The following PTPRG variants were observed in gnomAD, a reference collection of about 807,000 sequenced individuals.
PTPRG encodes protein tyrosine phosphatase receptor type G, also known as receptor-type tyrosine-protein phosphatase gamma.
Under a neutral mutation model 165.3 loss-of-function variants are expected in PTPRG, and 102 were observed. The ratio of observed to expected loss-of-function variants is 0.62; its 90% CI spans 0.53 to 0.73. The LOEUF (loss-of-function observed/expected upper bound fraction) is 0.73. Among genes scored for constraint, PTPRG ranks in the 30% least tolerant of loss-of-function variants. The pLI is 0.00. For missense variants in PTPRG, 1,866 were observed against 1,861.4 expected, an observed-to-expected ratio of 1.00 and a Z score of -0.05; for synonymous variants, 675 against 669.5, an observed-to-expected ratio of 1.01 and a Z score of -0.13.
intron 1 of PTPRG, among the ~76,000 whole-genome samples, chr3:61,631,843 AG>A: frequency 6.6e-6 from 1 of 152,186 alleles, no homozygotes. Context: ...GATATAAACA[AG>A]ATGTGGAACC....
chr3:61,602,309 A>G (rs1439969829), intron 1 of PTPRG, among the ~76,000 whole-genome samples: 2 of 152,118 alleles, frequency 1.3e-5, no homozygotes, highest in Non-Finnish European at 2.9e-5. Context: ...AGGAAAAAAT[A>G]TGCCACCTGC....
intron 1 of PTPRG, among the ~76,000 whole-genome samples, chr3:61,701,559 A>G (rs1323197153): frequency 6.6e-6 from 1 of 152,212 alleles, no homozygotes; most frequent in Non-Finnish European, 1.5e-5. Context: ...AAAAGAAGTG[A>G]GTGCAGAAAC....
Position 61,583,269 on chromosome 3 carries a change from G to A in PTPRG, c.85+20897G>A, listed in dbSNP as rs958686030. On this transcript the variant is annotated intron_variant, in intron 1 of 29. Transcript: ENST00000474889. ...TGGATGCATTGACTGGCCCCTGAAC[G>A]CAAGGCTGAGGCATTGTCCATGGAG... Among the ~76,000 whole-genome samples, 9 of 152,190 alleles carry A rather than the reference G, an allele frequency of 5.9e-5. 1 individual carries two copies. Among genetic ancestry groups the A allele is most frequent in the Non-Finnish European group, 1.3e-4 (9 of 68,032 alleles).
intron 2 of PTPRG, among the ~76,000 whole-genome samples, chr3:61,751,852 G>T (rs2106926733): frequency 6.6e-6 from 1 of 152,164 alleles, no homozygotes; most frequent in Admixed American, 6.5e-5. Flanking sequence ...AATTAGCCAG[G>T]CGTAGCGGTG....
In PTPRG at chr3:62,021,962, A is replaced by G. The variant is rs556073790; in HGVS notation, c.519+18465A>G. Among the ~76,000 whole-genome samples the G allele has an allele frequency of 2.0e-5, 3 of 149,178 alleles. No individual in the cohort carries two copies. In the East Asian group the frequency reaches 6.0e-4, roughly 30 times the overall value. ...CAAAAAAGAAAGTGTCTGGAGAGAG[A>G]GGAACAGACTTTTTTTCTGTAGAAC... On this transcript the variant is annotated intron_variant, in intron 4 of 29. Transcript: ENST00000474889.
At chr3:61,768,255 T>G (rs1456434439) in intron 2 of PTPRG, among the ~76,000 whole-genome samples, 1 of 152,238 alleles carries the variant, frequency 6.6e-6, no homozygotes, top group East Asian at 1.9e-4. Flanking sequence ...ACAGGTATGA[T>G]GTATGTCTTT....
chr3:61,742,661 C>A (rs1011817475), intron 1 of PTPRG: 2 of 1,605,226 alleles, frequency 1.2e-6, no homozygotes, highest in Non-Finnish European at 8.5e-7. Context: ...GACTTCACCT[C>A]ACCCACTTTG....
In PTPRG at chr3:62,255,450, G is replaced by A. The variant is rs1701516851; in HGVS notation, c.2559+235G>A. ...ATTTCTACAAAAGAACCGACTTAGT[G>A]ATAGAAAAGAAGCAAACTGGTAGGG... On this transcript the variant is annotated intron_variant, in intron 16 of 29. Coordinates refer to ENST00000474889, the MANE Select transcript of PTPRG (RefSeq NM_002841.4). This position sits in a 1 kb window ranked among gnomAD's most constrained non-coding sequence, Gnocchi z 4.0. Among the ~76,000 whole-genome samples, 1 of 151,802 alleles carries A rather than the reference G, an allele frequency of 6.6e-6. No homozygotes were observed. Among genetic ancestry groups the A allele is most frequent in the Non-Finnish European group, 1.5e-5 (1 of 68,026 alleles).
chr3:61,996,099 G>C (rs1043019465), intron 3 of PTPRG, among the ~76,000 whole-genome samples: 14 of 152,114 alleles, frequency 9.2e-5, no homozygotes, highest in Non-Finnish European at 1.3e-4. Context: ...CCATAGAAGA[G>C]AACTGAAGTT....
At chr3:61,860,066 T>G (rs2037218109) in intron 2 of PTPRG, among the ~76,000 whole-genome samples, 1 of 152,222 alleles carries the variant, frequency 6.6e-6, no homozygotes, top group South Asian at 2.1e-4. Flanking sequence ...GATTCCTGTT[T>G]GTACACCAAT....
At chr3:61,806,016 A>G (rs1394472255) in intron 2 of PTPRG, among the ~76,000 whole-genome samples, 1 of 152,196 alleles carries the variant, frequency 6.6e-6, no homozygotes, top group African/African-American at 2.4e-5. Context: ...GTCAGATTTT[A>G]GTATATGGTG....
chr3:62,279,276 T>G (rs17634785), intron 26 of PTPRG, among the ~76,000 whole-genome samples: 6,487 of 152,154 alleles, frequency 0.043, 175 homozygotes, highest in Admixed American at 0.064. Flanking sequence ...ATAAATATAC[T>G]TGTAAGCAAA....
chr3:62,158,690 A>G (rs559287497), intron 7 of PTPRG, among the ~76,000 whole-genome samples: 2 of 152,326 alleles, frequency 1.3e-5, no homozygotes, highest in African/African-American at 4.8e-5. Flanking sequence ...CAGTAGAGAC[A>G]CTATCCCCCT....
At chr3:62,094,026 C>T (rs1702029905) in intron 5 of PTPRG, among the ~76,000 whole-genome samples, 1 of 152,120 alleles carries the variant, frequency 6.6e-6, no homozygotes, top group Non-Finnish European at 1.5e-5. Context: ...TTCTGTGTGC[C>T]AGTTCATATC....
chr3:62,177,120 A>AT (rs1289988278), intron 8 of PTPRG, among the ~76,000 whole-genome samples: 6 of 151,426 alleles, frequency 4.0e-5, no homozygotes, highest in African/African-American at 1.2e-4. Flanking sequence ...AAAAAAATTT[A>AT]TCTTTTTTTT....
intron 2 of PTPRG, among the ~76,000 whole-genome samples, chr3:61,842,488 C>A (rs1442241501): frequency 6.6e-6 from 1 of 152,042 alleles, no homozygotes; most frequent in African/African-American, 2.4e-5. Context: ...TATTCCAGGG[C>A]AAGAGAGGAA....
intron 2 of PTPRG, among the ~76,000 whole-genome samples, chr3:61,920,894 G>A (rs1339015873): frequency 6.6e-6 from 1 of 152,158 alleles, no homozygotes; most frequent in Non-Finnish European, 1.5e-5. Flanking sequence ...TAATAAAAAT[G>A]AATTTTGAGT....
intron 10 of PTPRG, among the ~76,000 whole-genome samples, chr3:62,197,022 T>C (rs1391571362): frequency 1.3e-5 from 2 of 152,198 alleles, no homozygotes; most frequent in Non-Finnish European, 2.9e-5. Flanking sequence ...ATCTGAGCTT[T>C]CACAAGTTGG....
At chr3:61,711,267 C>T (rs1466354345) in intron 1 of PTPRG, among the ~76,000 whole-genome samples, 1 of 152,098 alleles carries the variant, frequency 6.6e-6, no homozygotes, top group Non-Finnish European at 1.5e-5. Flanking sequence ...AATGATTTAT[C>T]ATCTTTTGGG....
Sources: gnomAD v4.1 joint callset for allele counts (sites outside exome capture counted in the v4.1 genomes callset) on GRCh38, gnomAD v4.1.1 for gene constraint, Gnocchi (gnomAD v3.1) non-coding constraint, MANE v1.5 for transcripts, NCBI Gene and HGNC (gene_info 2026-07-23, HGNC 2026-07-21) for gene names.